SLC5A4: variants seen among roughly 807,000 people sequenced by gnomAD.
SLC5A4 encodes the protein solute carrier family 5 member 4, also known as probable glucose sensor protein SLC5A4.
A neutral mutation model predicts 70.3 loss-of-function variants in SLC5A4; 55 were observed. The observed-to-expected ratio is 0.78, with a 90% CI of 0.63 to 0.98. The LOEUF is 0.98. Ranked by LOEUF, SLC5A4 falls within the 50% of genes least tolerant of loss-of-function variation. SLC5A4 has a pLI of 0.00. For missense variants in SLC5A4, 735 were observed against 839.2 expected (o/e 0.88, Z 1.53); for synonymous variants, 268 against 305.7 (o/e 0.88, Z 1.29).
the SLC5A4 span, among the ~76,000 whole-genome samples, chr22:32,326,351 A>C: frequency 6.7e-6 from 1 of 149,906 alleles, no homozygotes; most frequent in Admixed American, 6.7e-5. Context: ...CTGCCACCCG[A>C]GTTCAAGCGA....
At chr22:32,348,880 AAAGTT>A in the SLC5A4 span, among the ~76,000 whole-genome samples, 2 of 152,222 alleles carry the variant, frequency 1.3e-5, no homozygotes, top group Non-Finnish European at 2.9e-5. Context: ...AATTCTTTAC[AAAGTT>A]AAGTTTCATA....
the SLC5A4 span, among the ~76,000 whole-genome samples, chr22:32,332,468 C>T: frequency 6.6e-6 from 1 of 152,236 alleles, no homozygotes; most frequent in Non-Finnish European, 1.5e-5. Flanking sequence ...TTCCATCCTA[C>T]AGATCCCAGC....
At chr22:32,274,589 GA>G in the SLC5A4 span, among the ~76,000 whole-genome samples, 4 of 151,448 alleles carry the variant, frequency 2.6e-5, no homozygotes, top group African/African-American at 9.7e-5. Flanking sequence ...ATAAAAAGTT[GA>G]AAAAAAATCC....
At chr22:32,271,723 C>T in the SLC5A4 span, 46 of 581,092 alleles carry the variant, frequency 7.9e-5, no homozygotes, top group South Asian at 1.2e-4. Flanking sequence ...TCAACTCTTT[C>T]GCTCTGTTCC....
upstream of SLC5A4, among the ~76,000 whole-genome samples, chr22:32,257,553 A>T (rs1183635290): frequency 6.6e-6 from 1 of 151,794 alleles, no homozygotes; most frequent in Admixed American, 6.6e-5. Flanking sequence ...GGGTCTTACC[A>T]TGTTGTCCAG....
At chr22:32,353,752 G>A in the SLC5A4 span, among the ~76,000 whole-genome samples, 2 of 149,656 alleles carry the variant, frequency 1.3e-5, no homozygotes, top group Admixed American at 6.6e-5. Flanking sequence ...GCCCCCTGCC[G>A]CGGGCAGTGC....
At chr22:32,310,674 C>T in the SLC5A4 span, among the ~76,000 whole-genome samples, 13 of 152,224 alleles carry the variant, frequency 8.5e-5, no homozygotes, top group Non-Finnish European at 1.3e-4. Flanking sequence ...AGACTGAGGC[C>T]AGGGGCCTGG....
chr22:32,344,380 C>A, the SLC5A4 span, among the ~76,000 whole-genome samples: 2 of 152,076 alleles, frequency 1.3e-5, no homozygotes, highest in African/African-American at 2.4e-5. Flanking sequence ...TTCCACATGT[C>A]CCCAGCTCTT....
chr22:32,289,850 C>G, the SLC5A4 span, among the ~76,000 whole-genome samples: 3 of 152,164 alleles, frequency 2.0e-5, no homozygotes, highest in Admixed American at 2.0e-4. Context: ...GGTATTTTTG[C>G]ATCTAGGCTG....
intron 7 of SLC5A4, 110 bp from the exon 8 acceptor site, chr22:32,235,203 T>A (rs1285155725): frequency 2.8e-6 from 2 of 721,012 alleles, no homozygotes; most frequent in African/African-American, 3.5e-5. Flanking sequence ...ATCAGCCCAG[T>A]CCAATCCTCA....
At chr22:32,223,415 T>C (rs1223130481) in intron 13 of SLC5A4, among the ~76,000 whole-genome samples, 1 of 152,234 alleles carries the variant, frequency 6.6e-6, no homozygotes, top group Non-Finnish European at 1.5e-5. Context: ...AGTTTTGGAC[T>C]GTGGGAATTT....
the SLC5A4 span, among the ~76,000 whole-genome samples, chr22:32,261,330 GC>G: frequency 2.6e-5 from 4 of 152,188 alleles, no homozygotes; most frequent in Non-Finnish European, 5.9e-5. Context: ...CTATCCTCCT[GC>G]CCCCTTCACA....
the SLC5A4 span, chr22:32,270,708 G>C: frequency 1.5e-6 from 1 of 668,216 alleles, no homozygotes. Flanking sequence ...TGAATCAGTT[G>C]TACTTCATCC....
the SLC5A4 span, among the ~76,000 whole-genome samples, chr22:32,325,614 T>C: frequency 5.3e-4 from 80 of 152,308 alleles, no homozygotes; most frequent in Admixed American, 3.0e-3. Flanking sequence ...GGAGTTGACA[T>C]AGAAGATCAT....
the SLC5A4 span, among the ~76,000 whole-genome samples, chr22:32,260,406 C>G: frequency 6.6e-6 from 1 of 151,590 alleles, no homozygotes. Context: ...TTTTCATGGA[C>G]AAATGCTAAC....
chr22:32,283,880 T>C, the SLC5A4 span, among the ~76,000 whole-genome samples: 2 of 152,312 alleles, frequency 1.3e-5, no homozygotes, highest in Non-Finnish European at 2.9e-5. Flanking sequence ...TGAGAATGGT[T>C]GATTAATATG....
intron 2 of SLC5A4, among the ~76,000 whole-genome samples, chr22:32,252,806 T>C (rs1163524337): frequency 1.3e-5 from 2 of 152,138 alleles, no homozygotes; most frequent in Admixed American, 1.3e-4. Flanking sequence ...CTCTTTTCAT[T>C]CATCCCCTCG....
chr22:32,333,196 A>ACCCCCCCCC, the SLC5A4 span, among the ~76,000 whole-genome samples: 4 of 136,810 alleles, frequency 2.9e-5, no homozygotes, highest in East Asian at 5.4e-4. Flanking sequence ...TAGCACTGGC[A>ACCCCCCCCC]CCCCCCCCCC....
chr22:32,231,131 C>T (rs1925739934), intron 9 of SLC5A4, 56 bp from the exon 10 acceptor site: 5 of 1,001,392 alleles, frequency 5.0e-6, no homozygotes, highest in African/African-American at 4.8e-5. Context: ...AAACCAACAA[C>T]CATTAAACAA....
Sources: allele counts gnomAD v4.1 joint callset (sites outside exome capture counted in the v4.1 genomes callset), GRCh38; gene constraint gnomAD v4.1.1; transcripts MANE v1.5; gene names NCBI Gene and HGNC (gene_info 2026-07-23, HGNC 2026-07-21).